Variants in DAB1 observed in about 807,000 individuals in gnomAD.
DAB1 encodes disabled homolog 1.
Under a neutral mutation model 64.6 loss-of-function variants are expected in DAB1, and 15 were observed. The ratio of observed to expected loss-of-function variants is 0.23; its 90% CI spans 0.16 to 0.36. DAB1 has a LOEUF of 0.36. Ranked by LOEUF, DAB1 falls within the 10% of genes least tolerant of loss-of-function variation. DAB1 has a pLI of 1.00. For missense variants in DAB1, 596 were observed against 706.7 expected (o/e 0.84, Z 1.78); for synonymous variants, 235 against 251.9 (o/e 0.93, Z 0.64).
At chr1:57,043,606 G>A (rs1294451827) in intron 9 of DAB1, among the ~76,000 whole-genome samples, 1 of 152,188 alleles carries the variant, frequency 6.6e-6, no homozygotes, top group Non-Finnish European at 1.5e-5. Flanking sequence ...CAGCACTTTG[G>A]GAGGCTGAGG....
chr1:57,058,945 A>C (rs115258367), intron 9 of DAB1, among the ~76,000 whole-genome samples: 11 of 152,358 alleles, frequency 7.2e-5, no homozygotes, highest in Non-Finnish European at 1.5e-4. Flanking sequence ...GAATATGTTA[A>C]GAGAAAATGA....
intron 2 of DAB1, among the ~76,000 whole-genome samples, chr1:57,159,856 C>CAAAAAAAAAAAAAAA (rs398049302): frequency 5.2e-4 from 45 of 86,334 alleles, no homozygotes; most frequent in African/African-American, 1.2e-3. Context: ...AGCAGCAAGA[C>CAAAAAAAAAAAAAAA]AAAAAAAAAA....
At chr1:57,943,443 T>C (rs531759217) in intron 5 of DAB1, among the ~76,000 whole-genome samples, 1 of 152,182 alleles carries the variant, frequency 6.6e-6, no homozygotes, top group Non-Finnish European at 1.5e-5. Flanking sequence ...CCCTGTCCTA[T>C]TGGAAGAGCC....
Position 57,984,184 on chromosome 1 carries a change from A to AAAAAAAAAG in DAB1, n.388-100023_388-100022insCTTTTTTTT, listed in dbSNP as rs1276859040. Among the ~76,000 whole-genome samples the AAAAAAAAAG allele has an allele frequency of 2.4e-4, 12 of 50,716 alleles. 1 individual carries two copies. The highest frequency in any genetic ancestry group is 1.1e-3 in the Admixed American group (4 of 3,698). The allele number at this position is 50,716 out of a possible 152,430, so 33.3% of individuals were successfully genotyped here. A position where few individuals can be genotyped will look rare whatever the true frequency, so the allele number is the denominator to read the frequency against. On this transcript the variant is annotated intron_variant and non_coding_transcript_variant, in intron 5 of 20. Transcript: ENST00000485760. ...TTCAGGGCCCAGGACTAGCTTAAAA[A>AAAAAAAAAG]AAAGAAAGAAAGAAAGAAAGAAAGA...
intron 7 of DAB1, among the ~76,000 whole-genome samples, chr1:57,587,185 T>C (rs1645390974): frequency 6.6e-6 from 1 of 152,206 alleles, no homozygotes; most frequent in South Asian, 2.1e-4. Flanking sequence ...TTGCTCACAT[T>C]AACTTTCCCC....
At chr1:58,121,566 T>A (rs1297478561) in intron 5 of DAB1, among the ~76,000 whole-genome samples, 1 of 152,124 alleles carries the variant, frequency 6.6e-6, no homozygotes, top group Non-Finnish European at 1.5e-5. Flanking sequence ...AATACACCCC[T>A]CACTCTTTCT....
intron 1 of DAB1, among the ~76,000 whole-genome samples, chr1:57,314,647 G>A (rs1675034046): frequency 6.6e-6 from 1 of 152,058 alleles, no homozygotes; most frequent in Non-Finnish European, 1.5e-5. Context: ...GCTAGGCCTG[G>A]TGGGGCACAC....
At chr1:57,862,279 CACA>C (rs1654080466) in intron 1 of DAB1, among the ~76,000 whole-genome samples, 1 of 152,124 alleles carries the variant, frequency 6.6e-6, no homozygotes, top group South Asian at 2.1e-4. Context: ...AGTCACCTTT[CACA>C]ACAACTTCAT....
chr1:57,451,552 C>T (rs917302663), intron 7 of DAB1, among the ~76,000 whole-genome samples: 1 of 152,138 alleles, frequency 6.6e-6, no homozygotes, highest in African/African-American at 2.4e-5. Context: ...AAATCTCATG[C>T]ACATTAAGTT....
chr1:58,231,889 T>C (rs1448114593), intron 4 of DAB1, among the ~76,000 whole-genome samples: 3 of 152,230 alleles, frequency 2.0e-5, no homozygotes, highest in Non-Finnish European at 4.4e-5. Context: ...TGGTACCCAT[T>C]ATTCCAATTT....
At chr1:57,336,161 C>T (rs750958704) in intron 1 of DAB1, among the ~76,000 whole-genome samples, 1 of 152,182 alleles carries the variant, frequency 6.6e-6, no homozygotes, top group Non-Finnish European at 1.5e-5. Context: ...TTTTTCTCCA[C>T]ATTTTTCGCA....
At chr1:58,219,429 G>A (rs7553087) in intron 4 of DAB1, among the ~76,000 whole-genome samples, 7,382 of 152,200 alleles carry the variant, frequency 0.049, 233 homozygotes, top group Middle Eastern at 0.075. Context: ...ATCCTGCAAA[G>A]GCTTCTCTGG....
intron 9 of DAB1, among the ~76,000 whole-genome samples, chr1:57,056,992 C>T (rs1403180238): frequency 6.6e-6 from 1 of 151,924 alleles, no homozygotes; most frequent in African/African-American, 2.4e-5. Flanking sequence ...AAAAGTTCAG[C>T]AAGAGTACTG....
intron 7 of DAB1, among the ~76,000 whole-genome samples, chr1:57,566,533 A>T (rs991481566): frequency 6.6e-6 from 1 of 152,202 alleles, no homozygotes; most frequent in African/African-American, 2.4e-5. Flanking sequence ...CGCTAGCAAG[A>T]TTAATAAAGA....
At chr1:57,688,094 C>T (rs1646722481) in intron 6 of DAB1, among the ~76,000 whole-genome samples, 1 of 152,026 alleles carries the variant, frequency 6.6e-6, no homozygotes, top group African/African-American at 2.4e-5. Context: ...AGCTTCTGCA[C>T]AGCAAAAGAA....
intron 7 of DAB1, among the ~76,000 whole-genome samples, chr1:57,532,448 T>C (rs1321551672): frequency 3.3e-5 from 5 of 152,238 alleles, no homozygotes; most frequent in Non-Finnish European, 7.3e-5. Context: ...CACTATACTC[T>C]AATTTGGTTT....
At chr1:58,333,982 C>G (rs2100497575) in intron 4 of DAB1, among the ~76,000 whole-genome samples, 1 of 152,206 alleles carries the variant, frequency 6.6e-6, no homozygotes. Context: ...GTGTGATAGA[C>G]TGGGTATAGT....
chr1:57,498,448 A>C (rs1387268580), intron 7 of DAB1, among the ~76,000 whole-genome samples: 3 of 152,204 alleles, frequency 2.0e-5, no homozygotes, highest in Non-Finnish European at 4.4e-5. Flanking sequence ...ATAACTGAGA[A>C]AACCTGAAGA....
intron 5 of DAB1, among the ~76,000 whole-genome samples, chr1:58,144,289 A>T (rs1190009663): frequency 1.3e-5 from 2 of 152,250 alleles, no homozygotes; most frequent in African/African-American, 4.8e-5. Context: ...GGAGATAAAT[A>T]TAAAACCCAA....
Sources: allele counts gnomAD v4.1 joint callset (sites outside exome capture counted in the v4.1 genomes callset), GRCh38; gene constraint gnomAD v4.1.1; transcripts MANE v1.5; gene names NCBI Gene and HGNC (gene_info 2026-07-23, HGNC 2026-07-21).